The following RBFOX3 variants were observed in gnomAD, a reference collection of about 807,000 sequenced individuals.
RBFOX3 encodes RNA binding protein fox-1 homolog 3.
A neutral mutation model predicts 48.7 loss-of-function variants in RBFOX3; 17 were observed. The ratio of observed to expected loss-of-function variants is 0.35; its 90% CI spans 0.24 to 0.52. The LOEUF is 0.52. Among genes scored for constraint, RBFOX3 ranks in the 20% least tolerant of loss-of-function variants. The pLI, the probability that RBFOX3 is intolerant of heterozygous loss-of-function variation, is 0.94. For synonymous variants in RBFOX3, 212 were observed against 209.5 expected, an observed-to-expected ratio of 1.01 and a Z score of -0.10; for missense variants, 382 against 497.5, an observed-to-expected ratio of 0.77 and a Z score of 2.21.
At chr17:79,614,075 A>G (rs1241169251), upstream of RBFOX3, among the ~76,000 whole-genome samples, 4 of 152,364 alleles carry the variant, frequency 2.6e-5, no homozygotes, top group African/African-American at 9.6e-5. Context: ...GAGGCACAGG[A>G]GAAGTGGCGG....
chr17:79,537,695 C>T (rs568432395), intron 1 of RBFOX3, among the ~76,000 whole-genome samples: 9 of 152,324 alleles, frequency 5.9e-5, no homozygotes, highest in South Asian at 2.1e-4. Flanking sequence ...TGTGGAGCAT[C>T]GTGACAGGCC....
intron 14 of RBFOX3, among the ~76,000 whole-genome samples, chr17:79,093,075 C>T (rs1380743558): frequency 6.6e-6 from 1 of 152,208 alleles, no homozygotes; most frequent in Non-Finnish European, 1.5e-5. Flanking sequence ...GAGCCTGGGG[C>T]CACTGAAGCC....
chr17:79,536,749 T>C (rs920197070), intron 1 of RBFOX3, among the ~76,000 whole-genome samples: 1 of 152,260 alleles, frequency 6.6e-6, no homozygotes, highest in Non-Finnish European at 1.5e-5. Context: ...TGTGTGTGAC[T>C]TGTGGCTGCC....
rs539056554 is a variant in RBFOX3, at chr17:79,264,967, G to T, written c.-73-29162C>A. On this transcript the variant is annotated intron_variant, in intron 3 of 14. Transcript: ENST00000693108. Reference sequence around the variant, plus strand: ...TTGGAGACCCTCAGTGCGAGAGGAGGGGGGGGGGGCGCAGATTTGTGGCGA... The same window carrying T: ...TTGGAGACCCTCAGTGCGAGAGGAGTGGGGGGGGGCGCAGATTTGTGGCGA... Among the ~76,000 whole-genome samples, 5 of 93,090 alleles carry T rather than the reference G, an allele frequency of 5.4e-5. No individual in the cohort carries two copies. The East Asian group carries it at 8.7e-4, about 16-fold the overall frequency. The allele number at this position is 93,090 out of a possible 152,430, so 61.1% of individuals were successfully genotyped here.
intron 2 of RBFOX3, among the ~76,000 whole-genome samples, chr17:79,315,272 G>C (rs2077379915): frequency 6.6e-6 from 1 of 152,206 alleles, no homozygotes; most frequent in South Asian, 2.1e-4. Context: ...CCAGACTCTA[G>C]ACCATCCATG....
At chr17:79,124,955 T>C (rs1484675027) in intron 4 of RBFOX3, among the ~76,000 whole-genome samples, 1 of 152,116 alleles carries the variant, frequency 6.6e-6, no homozygotes, top group East Asian at 1.9e-4. Flanking sequence ...CCCCACTCCC[T>C]GGCTCTAGTC....
At chr17:79,594,473 C>T in intron 1 of RBFOX3, among the ~76,000 whole-genome samples, 1 of 152,302 alleles carries the variant, frequency 6.6e-6, no homozygotes, top group Middle Eastern at 3.4e-3. Flanking sequence ...GCTCTGCCTC[C>T]CACATGCTGA....
chr17:79,460,121 C>T (rs1214897718), intron 2 of RBFOX3, among the ~76,000 whole-genome samples: 2 of 152,088 alleles, frequency 1.3e-5, no homozygotes, highest in Middle Eastern at 3.2e-3. Context: ...GGAGAGGCTG[C>T]TAATGAGTAC....
At chr17:79,573,202 A>G (rs961626320) in intron 1 of RBFOX3, among the ~76,000 whole-genome samples, 3 of 152,276 alleles carry the variant, frequency 2.0e-5, no homozygotes, top group Non-Finnish European at 4.4e-5. Context: ...CCCTCTCCAG[A>G]GCGCAGCAGC....
chr17:79,542,907 G>T (rs540477405), intron 1 of RBFOX3, among the ~76,000 whole-genome samples: 1 of 152,098 alleles, frequency 6.6e-6, no homozygotes, highest in African/African-American at 2.4e-5. Flanking sequence ...TATCAGTCAC[G>T]TGTTTTACAT....
intron 4 of RBFOX3, 88 bp from the exon 5 acceptor site, chr17:79,115,836 T>C (rs2033778751): frequency 1.8e-6 from 1 of 557,388 alleles, no homozygotes; most frequent in African/African-American, 2.0e-5. Context: ...TGAGCAGAGC[T>C]TCTCCAGCAG....
At chr17:79,194,341 T>C (rs1369696221) in intron 4 of RBFOX3, among the ~76,000 whole-genome samples, 2 of 152,088 alleles carry the variant, frequency 1.3e-5, no homozygotes, top group Non-Finnish European at 2.9e-5. Flanking sequence ...GTGCGGTGGC[T>C]CACACCTGTA....
At chr17:79,297,957 G>A (rs2145199292) in intron 3 of RBFOX3, among the ~76,000 whole-genome samples, 1 of 152,368 alleles carries the variant, frequency 6.6e-6, no homozygotes, top group Admixed American at 6.5e-5. Context: ...GATGTAACGG[G>A]TGGTAGTGTC....
chr17:79,174,509 ACT>A (rs371231175), intron 4 of RBFOX3, among the ~76,000 whole-genome samples: 272 of 151,110 alleles, frequency 1.8e-3, no homozygotes, highest in African/African-American at 4.2e-3. Flanking sequence ...TCCACAATGC[ACT>A]CTCACCGACT....
At chr17:79,523,598 G>A (rs1310266221) in intron 1 of RBFOX3, among the ~76,000 whole-genome samples, 5 of 152,188 alleles carry the variant, frequency 3.3e-5, no homozygotes, top group African/African-American at 1.2e-4. Flanking sequence ...AAGAGAGGAT[G>A]TGATCAACGG....
chr17:79,125,921 A>G (rs566563675), intron 4 of RBFOX3, among the ~76,000 whole-genome samples: 2 of 152,356 alleles, frequency 1.3e-5, no homozygotes, highest in South Asian at 2.1e-4. Context: ...CCACCCATGC[A>G]GGTCACCTGC....
chr17:79,504,794 C>T (rs1265402761), intron 1 of RBFOX3, among the ~76,000 whole-genome samples: 1 of 152,198 alleles, frequency 6.6e-6, no homozygotes, highest in Non-Finnish European at 1.5e-5. Flanking sequence ...AAGTAACATC[C>T]ATCGGCTCTG....
At chr17:79,137,321 C>T (rs1189513456) in intron 4 of RBFOX3, among the ~76,000 whole-genome samples, 2 of 152,132 alleles carry the variant, frequency 1.3e-5, no homozygotes, top group Non-Finnish European at 2.9e-5. Flanking sequence ...ACACACATTC[C>T]CAGTGCATTC....
At chr17:79,278,668 T>C (rs2069517634) in intron 3 of RBFOX3, among the ~76,000 whole-genome samples, 1 of 152,242 alleles carries the variant, frequency 6.6e-6, no homozygotes, top group African/African-American at 2.4e-5. Context: ...TGTGTCTCTG[T>C]CTGGTGTCCA....
Sources: gnomAD v4.1 joint callset for allele counts (sites outside exome capture counted in the v4.1 genomes callset) on GRCh38, gnomAD v4.1.1 for gene constraint, MANE v1.5 for transcripts, NCBI Gene and HGNC (gene_info 2026-07-23, HGNC 2026-07-21) for gene names.